PTPRK: variants seen among roughly 807,000 people sequenced by gnomAD.
PTPRK encodes the protein protein tyrosine phosphatase receptor type K.
In PTPRK, 75 loss-of-function variants were observed where a neutral mutation model predicts 178.0. The observed-to-expected ratio is 0.42, with a 90% CI of 0.35 to 0.51. PTPRK has a LOEUF of 0.51. PTPRK is among the 20% of genes least tolerant of loss of function. The pLI, the probability that PTPRK is intolerant of heterozygous loss-of-function variation, is 0.02. For synonymous variants in PTPRK, 637 were observed against 620.6 expected (o/e 1.03, Z -0.39); for missense variants, 1,441 against 1,797.8 (o/e 0.80, Z 3.59).
intron 1 of PTPRK, among the ~76,000 whole-genome samples, chr6:128,401,075 T>G (rs1840948322): frequency 6.6e-6 from 1 of 152,114 alleles, no homozygotes; most frequent in Non-Finnish European, 1.5e-5. Flanking sequence ...GGAGGAAAAT[T>G]ACTTCTGAAG....
At chr6:127,977,712 C>A (rs1231988382) in intron 25 of PTPRK, among the ~76,000 whole-genome samples, 1 of 152,128 alleles carries the variant, frequency 6.6e-6, no homozygotes, top group Non-Finnish European at 1.5e-5. Flanking sequence ...GATCCTGAAG[C>A]ACCAAAGCAT....
intron 1 of PTPRK, among the ~76,000 whole-genome samples, chr6:128,472,327 G>A (rs1041103417): frequency 3.3e-5 from 5 of 151,864 alleles, no homozygotes; most frequent in African/African-American, 4.8e-5. Flanking sequence ...AGCTACATGC[G>A]GCAAGTGGGT....
intron 13 of PTPRK, among the ~76,000 whole-genome samples, chr6:128,040,906 A>T (rs927575510): frequency 2.0e-5 from 3 of 152,132 alleles, no homozygotes; most frequent in African/African-American, 7.2e-5. Context: ...AGATTCCAAA[A>T]TTAGAAGCTC....
intron 2 of PTPRK, among the ~76,000 whole-genome samples, chr6:128,391,036 T>C (rs531155788): frequency 6.6e-6 from 1 of 152,260 alleles, no homozygotes; most frequent in East Asian, 1.9e-4. Flanking sequence ...ATGGTGAGAA[T>C]GTAGGGGATT....
At chr6:128,111,839 T>C (rs1790719700) in intron 7 of PTPRK, among the ~76,000 whole-genome samples, 1 of 152,098 alleles carries the variant, frequency 6.6e-6, no homozygotes. Context: ...GTTTATATGC[T>C]TGTCTCTACT....
intron 13 of PTPRK, among the ~76,000 whole-genome samples, chr6:128,032,210 T>A (rs976246825): frequency 3.3e-5 from 5 of 152,202 alleles, no homozygotes; most frequent in Non-Finnish European, 5.9e-5. Flanking sequence ...CTTTGAGCCC[T>A]GCCTCCTGAC....
At chr6:128,482,785 G>A (rs1479116873) in intron 1 of PTPRK, among the ~76,000 whole-genome samples, 1 of 152,150 alleles carries the variant, frequency 6.6e-6, no homozygotes, top group Admixed American at 6.6e-5. Context: ...AATTGTTCTT[G>A]GTTGAATGGC....
chr6:128,380,350 C>A (rs1837700614), intron 2 of PTPRK, among the ~76,000 whole-genome samples: 1 of 151,992 alleles, frequency 6.6e-6, no homozygotes, highest in Non-Finnish European at 1.5e-5. Context: ...GCACAAGATA[C>A]CAGACTTGGA....
chr6:128,279,980 C>T (rs1463426014), intron 3 of PTPRK, among the ~76,000 whole-genome samples: 1 of 152,142 alleles, frequency 6.6e-6, no homozygotes, highest in African/African-American at 2.4e-5. Flanking sequence ...ACCCATTGGA[C>T]ATGCATGTGT....
chr6:128,430,159 G>A (rs1844645423), intron 1 of PTPRK, among the ~76,000 whole-genome samples: 1 of 151,484 alleles, frequency 6.6e-6, no homozygotes, highest in Non-Finnish European at 1.5e-5. Context: ...ACTTAGCAAT[G>A]AGTTAAGAAA....
At chr6:128,213,420 T>G (rs927297608) in intron 6 of PTPRK, among the ~76,000 whole-genome samples, 1 of 151,878 alleles carries the variant, frequency 6.6e-6, no homozygotes, top group African/African-American at 2.4e-5. Context: ...TATTTAGGGG[T>G]TTTGGGGGGT....
chr6:128,427,229 C>T (rs955068883), intron 1 of PTPRK, among the ~76,000 whole-genome samples: 4 of 152,162 alleles, frequency 2.6e-5, no homozygotes, highest in Admixed American at 6.5e-5. Flanking sequence ...AAAGAAAGCA[C>T]TATTATTGAC....
intron 7 of PTPRK, among the ~76,000 whole-genome samples, chr6:128,107,722 T>TTTCA (rs1411466577): frequency 6.6e-5 from 10 of 152,212 alleles, no homozygotes. Flanking sequence ...TATTAAATCA[T>TTTCA]AATACTTGTA....
chr6:128,346,827 A>G (rs1832492910), intron 2 of PTPRK, among the ~76,000 whole-genome samples: 1 of 152,144 alleles, frequency 6.6e-6, no homozygotes, highest in Non-Finnish European at 1.5e-5. Context: ...GCAAAGCACT[A>G]AACATAAGGC....
intron 2 of PTPRK, among the ~76,000 whole-genome samples, chr6:128,392,268 T>C (rs926904913): frequency 2.6e-5 from 4 of 152,138 alleles, no homozygotes; most frequent in Non-Finnish European, 4.4e-5. Context: ...AGGGCTTTCA[T>C]TTTTTACTAT....
At chr6:128,405,164 C>T (rs1841507195) in intron 1 of PTPRK, among the ~76,000 whole-genome samples, 1 of 152,164 alleles carries the variant, frequency 6.6e-6, no homozygotes, top group African/African-American at 2.4e-5. Context: ...AAAATTTCTA[C>T]AAATAATTTT....
intron 26 of PTPRK, 57 bp downstream of exon 26, chr6:127,976,866 C>G: frequency 6.2e-7 from 1 of 1,609,982 alleles, no homozygotes; most frequent in Non-Finnish European, 8.5e-7. Context: ...TTTAGCAATT[C>G]ATTACTACTC....
At chr6:128,103,337 T>C (rs1381323714) in intron 7 of PTPRK, among the ~76,000 whole-genome samples, 1 of 152,084 alleles carries the variant, frequency 6.6e-6, no homozygotes, top group African/African-American at 2.4e-5. Context: ...GTGACCTGAT[T>C]CTTCCTGGAC....
intron 7 of PTPRK, among the ~76,000 whole-genome samples, chr6:128,122,427 G>A (rs1401415556): frequency 1.3e-5 from 2 of 152,158 alleles, no homozygotes; most frequent in South Asian, 2.1e-4. Context: ...GCACTATTGA[G>A]TTCTATCACA....
Sources: gnomAD v4.1 joint callset for allele counts (sites outside exome capture counted in the v4.1 genomes callset) on GRCh38, gnomAD v4.1.1 for gene constraint, MANE v1.5 for transcripts, NCBI Gene and HGNC (gene_info 2026-07-23, HGNC 2026-07-21) for gene names.